Variants in SCP2 observed in about 807,000 individuals in gnomAD.
The protein encoded by SCP2 is sterol carrier protein 2.
In SCP2, 48 loss-of-function variants were observed where a neutral mutation model predicts 71.4. The observed-to-expected ratio is 0.67, with a 90% confidence interval of 0.53 to 0.86. The LOEUF is 0.86. SCP2 is among the 40% of genes least tolerant of loss of function. SCP2 has a pLI of 0.00. For missense variants in SCP2, 560 were observed against 655.6 expected (o/e 0.85, Z 1.59); for synonymous variants, 220 against 218.1 (o/e 1.01, Z -0.08).
intron 11 of SCP2, among the ~76,000 whole-genome samples, chr1:53,001,086 G>A (rs996134219): frequency 1.6e-4 from 24 of 151,866 alleles, no homozygotes; most frequent in African/African-American, 2.7e-4. Flanking sequence ...TTAAAGTTCC[G>A]CCAGAGCTTC....
Position 52,978,359 on chromosome 1 carries a change from A to C in SCP2, c.817A>C (p.Ile273Leu). Residue 273 changes from isoleucine (I) to leucine (L), a missense_variant, in exon 9 of 16, where the codon ATT becomes CTT. Ile to Leu is a conservative substitution (Grantham distance 5). Around this residue, in one of 3 missense-constraint regions of SCP2, gnomAD observed 513 missense variants for 573.1 expected, o/e 0.90. Coordinates refer to ENST00000371514, the MANE Select transcript of SCP2 (RefSeq NM_002979.5). Reference protein sequence around the residue: ...LPSSFEEKSIIKMVGFDMSKE... With the variant: ...LPSSFEEKSILKMVGFDMSKE... Reference sequence around the variant, plus strand: ...AAGCTCGTTTGAAGAAAAAAGCATTATTAAAATGGTATGTCTGAGATTCTA... The same window carrying C: ...AAGCTCGTTTGAAGAAAAAAGCATTCTTAAAATGGTATGTCTGAGATTCTA... 1 of 1,613,232 alleles carries C rather than the reference A, an allele frequency of 6.2e-7. No individual in the cohort carries two copies. The highest frequency in any genetic ancestry group is 8.5e-7 in the Non-Finnish European group (1 of 1,179,184).
chr1:52,951,934 G>T (rs1446301663), intron 4 of SCP2, among the ~76,000 whole-genome samples: 1 of 151,966 alleles, frequency 6.6e-6, no homozygotes, highest in Non-Finnish European at 1.5e-5. Context: ...GGCCAGGCTG[G>T]TCTCAAACTC....
intron 3 of SCP2, 149 bp downstream of exon 3, chr1:52,948,229 C>T (rs1359744299): frequency 1.5e-6 from 1 of 660,764 alleles, no homozygotes; most frequent in Middle Eastern, 4.1e-4. Context: ...AAAAAAATCT[C>T]AGAATTCAAA....
At position 52,954,717 on chromosome 1, in the gene SCP2, A is replaced by G. The variant is rs376418700; in HGVS notation, c.332-23A>G. The G allele has an allele frequency of 1.2e-3, 1,912 of 1,606,350 alleles. 31 individuals are homozygous for G. The South Asian group carries it at 0.02, about 17-fold the overall frequency. The stretch of plus-strand genomic sequence containing the variant: ...TGGTGTTTGGAAATTTGAATTTTCA[A>G]AATAATTACGTTTTCCTTTAAGGTG... On this transcript the variant is annotated intron_variant, in intron 4 of 15. Transcript: ENST00000371514.
chr1:52,950,530 T>A (rs1370451501), intron 3 of SCP2, among the ~76,000 whole-genome samples: 1 of 152,246 alleles, frequency 6.6e-6, no homozygotes, highest in Admixed American at 6.5e-5. Flanking sequence ...ATTTCTTTAC[T>A]TCTCTACCTC....
intron 6 of SCP2, among the ~76,000 whole-genome samples, chr1:52,967,963 C>T (rs991740096): frequency 6.6e-6 from 1 of 152,152 alleles, no homozygotes; most frequent in African/African-American, 2.4e-5. Flanking sequence ...CCTGTTTGCT[C>T]ATATAGCCTC....
chr1:53,017,450 CA>C (rs1205138007), intron 12 of SCP2, among the ~76,000 whole-genome samples: 29 of 152,202 alleles, frequency 1.9e-4, no homozygotes, highest in African/African-American at 7.0e-4. Flanking sequence ...TGAATGGAAT[CA>C]AAAAGCCTTT....
chr1:52,947,957 C>T, intron 2 of SCP2, 52 bp from the exon 3 acceptor site: 6 of 1,251,262 alleles, frequency 4.8e-6, no homozygotes, highest in Non-Finnish European at 7.1e-6. Flanking sequence ...TTTTCACTCT[C>T]CTAAAACAAA....
intron 6 of SCP2, among the ~76,000 whole-genome samples, chr1:52,967,997 G>C (rs185730327): frequency 3.9e-5 from 6 of 152,096 alleles, no homozygotes; most frequent in Non-Finnish European, 7.4e-5. Flanking sequence ...AGTCAGTCAC[G>C]ACCCTCACTC....
chr1:52,954,819 G>T lies in SCP2; in HGVS notation c.396+15G>T. 6.2e-7 allele frequency: 1 copy of T among 1,605,010 alleles called. No homozygotes were observed. Among genetic ancestry groups the T allele is most frequent in the Non-Finnish European group, 8.5e-7 (1 of 1,171,922 alleles). Reference sequence around the variant, plus strand: ...TTGGAATAAAAGTGAGTGTTATTTTGGCATAGTTACTAAATGAGCTAATAT... The same window carrying T: ...TTGGAATAAAAGTGAGTGTTATTTTTGCATAGTTACTAAATGAGCTAATAT... On this transcript the variant is annotated intron_variant, in intron 5 of 15. Coordinates refer to ENST00000371514, the MANE Select transcript of SCP2 (RefSeq NM_002979.5).
At chr1:53,027,150 G>C (rs1662190784) in intron 12 of SCP2, among the ~76,000 whole-genome samples, 1 of 152,020 alleles carries the variant, frequency 6.6e-6, no homozygotes, top group Non-Finnish European at 1.5e-5. Context: ...CATCACCCAG[G>C]CTCAAGCAAT....
intron 11 of SCP2, among the ~76,000 whole-genome samples, chr1:53,013,907 T>C (rs1304522642): frequency 9.0e-5 from 10 of 111,148 alleles, no homozygotes; most frequent in Non-Finnish European, 1.5e-4. Flanking sequence ...TTTTTTTTTT[T>C]TTTTTTGAGA....
At chr1:52,939,873 T>C (rs1183540865) in intron 1 of SCP2, among the ~76,000 whole-genome samples, 2 of 152,082 alleles carry the variant, frequency 1.3e-5, no homozygotes, top group African/African-American at 4.8e-5. Flanking sequence ...TTTCATCATG[T>C]TGACCAGTCT....
intron 6 of SCP2, among the ~76,000 whole-genome samples, chr1:52,971,649 T>C (rs1044181342): frequency 1.3e-5 from 2 of 152,222 alleles, no homozygotes; most frequent in African/African-American, 4.8e-5. Context: ...AGAAATATGA[T>C]TGGACAAAAA....
chr1:53,021,834 G>A (rs530808790), intron 12 of SCP2, among the ~76,000 whole-genome samples: 1 of 149,816 alleles, frequency 6.7e-6, no homozygotes, highest in South Asian at 2.1e-4. Context: ...TAGAAGAGAC[G>A]GTGTTTTGCC....
intron 11 of SCP2, among the ~76,000 whole-genome samples, chr1:52,996,876 T>G (rs1659972816): frequency 6.6e-6 from 1 of 152,216 alleles, no homozygotes; most frequent in Non-Finnish European, 1.5e-5. Flanking sequence ...TCCTCCATCT[T>G]TTTTGCAACA....
At chr1:52,961,429 A>G (rs1156813433) in intron 5 of SCP2, 74 bp from the exon 6 acceptor site, 2 of 1,449,116 alleles carry the variant, frequency 1.4e-6, no homozygotes, top group Non-Finnish European at 1.9e-6. Context: ...TAAATATCTT[A>G]ATAGCACTGT....
intron 11 of SCP2, among the ~76,000 whole-genome samples, chr1:53,003,435 G>T (rs971529308): frequency 6.6e-6 from 1 of 152,108 alleles, no homozygotes; most frequent in Non-Finnish European, 1.5e-5. Flanking sequence ...GCTTAGGCTG[G>T]TCTCGAACTC....
chr1:52,977,821 G>A (rs763585795), intron 8 of SCP2, among the ~76,000 whole-genome samples: 2 of 152,150 alleles, frequency 1.3e-5, no homozygotes, highest in Non-Finnish European at 2.9e-5. Flanking sequence ...TTAGCCAGGC[G>A]TGGTAGCGCA....
Sources: gnomAD v4.1 joint callset for allele counts (sites outside exome capture counted in the v4.1 genomes callset) on GRCh38, gnomAD v4.1.1 for gene constraint, gnomAD v4.1.1 regional missense constraint, MANE v1.5 for transcripts, NCBI Gene and HGNC (gene_info 2026-07-23, HGNC 2026-07-21) for gene names.